Variants in PRKAG2 observed in about 807,000 individuals in gnomAD.
PRKAG2 encodes protein kinase AMP-activated non-catalytic subunit gamma 2.
Under a neutral mutation model 69.6 loss-of-function variants are expected in PRKAG2, and 26 were observed. The observed-to-expected ratio is 0.37, with a 90% confidence interval of 0.27 to 0.52. The LOEUF (loss-of-function observed/expected upper bound fraction) is 0.52. PRKAG2 is among the 20% of genes least tolerant of loss of function. PRKAG2 has a pLI of 0.90. For missense variants in PRKAG2, 557 were observed against 740.0 expected, an observed-to-expected ratio of 0.75 and a Z score of 2.87; for synonymous variants, 293 against 285.0, an observed-to-expected ratio of 1.03 and a Z score of -0.28.
At chr7:151,565,951 G>C (rs1040141973) in intron 11 of PRKAG2, 66 bp from the exon 12 acceptor site, 1 of 1,526,964 alleles carries the variant, frequency 6.5e-7, no homozygotes, top group South Asian at 1.1e-5. Flanking sequence ...CAAAGGTCCA[G>C]ATTTGAATGA....
intron 6 of PRKAG2, among the ~76,000 whole-genome samples, chr7:151,579,589 GAAAGA>G (rs1809854728): frequency 6.6e-6 from 1 of 152,118 alleles, no homozygotes; most frequent in Non-Finnish European, 1.5e-5. Context: ...TACAATTCTT[GAAAGA>G]AAAGAAGGCT....
intron 3 of PRKAG2, among the ~76,000 whole-genome samples, chr7:151,702,153 T>G (rs972609200): frequency 1.3e-5 from 2 of 152,202 alleles, no homozygotes; most frequent in African/African-American, 4.8e-5. Context: ...CTTCCCCCTG[T>G]GCGGGGAGTT....
chr7:151,756,247 AAC>A lies in PRKAG2; in HGVS notation c.466+24903_466+24904del, dbSNP rs1448352712. Among the ~76,000 whole-genome samples the A allele has an allele frequency of 2.6e-5, 4 of 152,158 alleles. No individual in the cohort carries two copies. Among genetic ancestry groups the A allele is most frequent in the African/African-American group, 4.8e-5 (2 of 41,442 alleles). The stretch of plus-strand genomic sequence containing the variant: ...CAGGTCATGTGAGCAATGCCCCAGG[AAC>A]ACACACCACACACGTGACTGCAACG... On this transcript the variant is annotated intron_variant, in intron 3 of 15. Transcript: ENST00000287878. The surrounding 1 kb of genome is among the most constrained non-coding windows in gnomAD (Gnocchi z 4.9).
At chr7:151,735,389 A>G (rs1344933575) in intron 3 of PRKAG2, among the ~76,000 whole-genome samples, 2 of 152,134 alleles carry the variant, frequency 1.3e-5, no homozygotes, top group Non-Finnish European at 2.9e-5. Context: ...GTTGCCAGAG[A>G]CCAGGGAGAC....
At chr7:151,623,900 G>T (rs962315136) in intron 5 of PRKAG2, among the ~76,000 whole-genome samples, 3 of 152,154 alleles carry the variant, frequency 2.0e-5, no homozygotes, top group African/African-American at 7.2e-5. Context: ...GTCTTACAAT[G>T]CGCATGTGTG....
chr7:151,850,741 T>G lies in PRKAG2; in HGVS notation c.114+25766A>C, dbSNP rs1481901873. On this transcript the variant is annotated intron_variant, in intron 1 of 15. Coordinates refer to ENST00000287878, the MANE Select transcript of PRKAG2 (RefSeq NM_016203.4). The surrounding 1 kb of genome is among the most constrained non-coding windows in gnomAD (Gnocchi z 4.1). ...CAGAGGGAGGAGTCAGAGGTGAGAG[T>G]CTGGTGCTCTGAGCGCTGCCTCGCA... Among the ~76,000 whole-genome samples the G allele has an allele frequency of 6.6e-6, 1 of 151,880 alleles. No homozygotes were observed. Among genetic ancestry groups the G allele is most frequent in the African/African-American group, 2.4e-5 (1 of 41,336 alleles).
In PRKAG2 at chr7:151,671,687, G is replaced by A. The variant is rs114198510; in HGVS notation, c.684+3733C>T. 6.8e-4 allele frequency among the ~76,000 whole-genome samples: 104 copies of A among 152,392 alleles called. 1 individual carries two copies. The highest frequency in any genetic ancestry group is 2.4e-3 in the African/African-American group (101 of 41,600). ...TATTTGGAAGCAGAGTCTTTGCTGAGTAATCAGGTTAACCTGCTGCCAGGA... is the reference window on the plus strand; with the variant it reads ...TATTTGGAAGCAGAGTCTTTGCTGAATAATCAGGTTAACCTGCTGCCAGGA... On this transcript the variant is annotated intron_variant, in intron 4 of 15. Coordinates refer to ENST00000287878, the MANE Select transcript of PRKAG2 (RefSeq NM_016203.4).
At chr7:151,783,199 G>T (rs374577804) in intron 2 of PRKAG2, among the ~76,000 whole-genome samples, 1 of 152,246 alleles carries the variant, frequency 6.6e-6, no homozygotes, top group Admixed American at 6.5e-5. Context: ...CTCTCCAGCC[G>T]AAAGAGCCGG....
chr7:151,676,426 C>A (rs2151480275), intron 3 of PRKAG2, among the ~76,000 whole-genome samples: 1 of 151,976 alleles, frequency 6.6e-6, no homozygotes, highest in African/African-American at 2.4e-5. Context: ...AAAAGTGAAA[C>A]AGATTTAGAT....
chr7:151,649,953 C>T (rs148484776), intron 4 of PRKAG2, among the ~76,000 whole-genome samples: 11 of 152,254 alleles, frequency 7.2e-5, no homozygotes, highest in African/African-American at 2.6e-4. Flanking sequence ...TCTAATTCTA[C>T]ATATCTGGAG....
rs1449959869 is a variant in PRKAG2, at chr7:151,699,607, C to T, written c.467-23970G>A. On this transcript the variant is annotated intron_variant, in intron 3 of 15. Transcript: ENST00000287878. This position sits in a 1 kb window ranked among gnomAD's most constrained non-coding sequence, Gnocchi z 4.5. ...TGAGATGAGAAGTATTCACTGGGCA[C>T]CGGCTGTACAGGGAAGAACTGGAAG... 6.6e-6 allele frequency among the ~76,000 whole-genome samples: 1 copy of T among 152,166 alleles called. No homozygotes were observed. Among genetic ancestry groups the T allele is most frequent in the Non-Finnish European group, 1.5e-5 (1 of 68,032 alleles).
At chr7:151,581,381 G>A (rs958249196) in intron 6 of PRKAG2, among the ~76,000 whole-genome samples, 2 of 152,126 alleles carry the variant, frequency 1.3e-5, no homozygotes, top group African/African-American at 4.8e-5. Flanking sequence ...TCCTATCAAG[G>A]ACTGCCTTTC....
intron 5 of PRKAG2, among the ~76,000 whole-genome samples, chr7:151,615,316 T>C (rs956689582): frequency 3.3e-5 from 5 of 152,246 alleles, no homozygotes; most frequent in Non-Finnish European, 5.9e-5. Context: ...TTTGCTATTG[T>C]GAATAGTGCT....
At chr7:151,706,436 A>C (rs1278304225) in intron 3 of PRKAG2, among the ~76,000 whole-genome samples, 3 of 152,156 alleles carry the variant, frequency 2.0e-5, no homozygotes, top group Non-Finnish European at 4.4e-5. Flanking sequence ...CCAGACTGTG[A>C]AACTAGGGTC....
chr7:151,835,268 G>GGAAA lies in PRKAG2; in HGVS notation c.114+41238_114+41239insTTTC, dbSNP rs202093270. Among the ~76,000 whole-genome samples, 1,379 of 152,304 alleles carry GGAAA rather than the reference G, an allele frequency of 9.1e-3. 9 individuals carry two copies. Among genetic ancestry groups the GGAAA allele is most frequent in the Non-Finnish European group, 0.014 (922 of 68,032 alleles). ...GTCTTGCTGTTTTCCAGGCTGGAGT[G>GGAAA]CCATGACACACACGATCTTGGCTCA... is the stretch of plus-strand genomic sequence containing the variant. On this transcript the variant is annotated intron_variant, in intron 1 of 15. Transcript: ENST00000287878. This position sits in a 1 kb window ranked among gnomAD's most constrained non-coding sequence, Gnocchi z 4.1.
chr7:151,861,849 C>T (rs1043460879), intron 1 of PRKAG2, among the ~76,000 whole-genome samples: 4 of 152,032 alleles, frequency 2.6e-5, no homozygotes, highest in South Asian at 2.1e-4. Flanking sequence ...TCATTGACAC[C>T]GGGGTTGCGA....
chr7:151,652,966 T>G (rs1249979052), intron 4 of PRKAG2, among the ~76,000 whole-genome samples: 1 of 152,322 alleles, frequency 6.6e-6, no homozygotes, highest in South Asian at 2.1e-4. Flanking sequence ...TGAGACCAAC[T>G]GATTTGATAA....
intron 3 of PRKAG2, among the ~76,000 whole-genome samples, chr7:151,705,916 G>A (rs549019431): frequency 6.7e-5 from 10 of 150,366 alleles, no homozygotes; most frequent in South Asian, 2.1e-4. Context: ...ACATCCCCCC[G>A]CCCCCCATCT....
At chr7:151,841,676 GGATGGTAGT>G (rs1481171919) in intron 1 of PRKAG2, among the ~76,000 whole-genome samples, 9 of 52,918 alleles carry the variant, frequency 1.7e-4, no homozygotes, top group East Asian at 1.4e-3. Context: ...TGGTAGGTAG[GGATGGTAGT>G]GATGGTAGTG....
Sources: allele counts gnomAD v4.1 joint callset (sites outside exome capture counted in the v4.1 genomes callset), GRCh38; gene constraint gnomAD v4.1.1; non-coding constraint Gnocchi (gnomAD v3.1); transcripts MANE v1.5; gene names NCBI Gene and HGNC (gene_info 2026-07-23, HGNC 2026-07-21).